The following USH2A variants were observed in gnomAD, a reference collection of about 807,000 sequenced individuals.
USH2A encodes usherin.
USH2A carries 443 observed loss-of-function variants against 538.9 expected under a neutral mutation model. That is an observed-to-expected ratio of 0.82 (90% CI 0.76 to 0.89). The LOEUF is 0.89. Among genes scored for constraint, USH2A ranks in the 40% least tolerant of loss-of-function variants. The probability of loss-of-function intolerance (pLI) is 0.00; values close to 1 mark genes in which losing one functional copy is unlikely to be tolerated. For synonymous variants in USH2A, 2,413 were observed against 2,273.5 expected, an observed-to-expected ratio of 1.06 and a Z score of -1.75; for missense variants, 6,633 against 6,324.8, an observed-to-expected ratio of 1.05 and a Z score of -1.65.
chr1:215,644,998 G>A (rs1656801424), intron 67 of USH2A, among the ~76,000 whole-genome samples: 1 of 152,214 alleles, frequency 6.6e-6, no homozygotes, highest in African/African-American at 2.4e-5. Context: ...CTGCATGGAA[G>A]GCAGGTTTAT....
intron 36 of USH2A, among the ~76,000 whole-genome samples, chr1:215,969,959 C>T (rs1667450533): frequency 1.3e-5 from 2 of 152,108 alleles, no homozygotes; most frequent in Non-Finnish European, 2.9e-5. Context: ...AAACTGAAGA[C>T]TGTCCTGCTA....
intron 21 of USH2A, among the ~76,000 whole-genome samples, chr1:216,101,662 G>A (rs1269549791): frequency 6.6e-6 from 1 of 152,200 alleles, no homozygotes; most frequent in African/African-American, 2.4e-5. Context: ...GGGCAGACAA[G>A]TGAAAATTAT....
At chr1:215,743,029 T>C (rs939780644) in intron 59 of USH2A, 148 bp downstream of exon 59, 1 of 859,770 alleles carries the variant, frequency 1.2e-6, no homozygotes, top group African/African-American at 1.7e-5. Flanking sequence ...TGCCAGACTG[T>C]GATTTTTCTG....
intron 38 of USH2A, among the ~76,000 whole-genome samples, chr1:215,912,453 G>GTATATATA (rs780000613): frequency 0.074 from 3,116 of 42,246 alleles, 94 homozygotes; most frequent in Non-Finnish European, 0.095. Context: ...GTAGGTATGT[G>GTATATATA]TATATATATA....
intron 19 of USH2A, among the ~76,000 whole-genome samples, chr1:216,192,810 A>G (rs1447442389): frequency 4.6e-5 from 7 of 152,190 alleles, no homozygotes; most frequent in African/African-American, 1.4e-4. Context: ...AAAAATATTT[A>G]TTTTCCTGCC....
At chr1:216,283,880 A>G (rs1478641502) in intron 11 of USH2A, among the ~76,000 whole-genome samples, 1 of 152,120 alleles carries the variant, frequency 6.6e-6, no homozygotes, top group African/African-American at 2.4e-5. Context: ...GGGGTTATGA[A>G]TGGTAATGTT....
chr1:216,343,579 T>C (rs1234195579), intron 4 of USH2A, among the ~76,000 whole-genome samples: 2 of 150,818 alleles, frequency 1.3e-5, no homozygotes, highest in Non-Finnish European at 3.0e-5. Flanking sequence ...GATTTATATA[T>C]GTAAAAAAAC....
At chr1:215,889,323 A>G (rs1665149616) in intron 40 of USH2A, among the ~76,000 whole-genome samples, 1 of 152,132 alleles carries the variant, frequency 6.6e-6, no homozygotes. Flanking sequence ...CTTTTTATTC[A>G]AGCCATTGGT....
rs145614768 is a variant in USH2A at position 216,274,491 on chromosome 1, A to G, written c.1971+14789T>C. ...GACTTACCACTTATTTATAGTACAGATACAATAACTTTTTTCCTTAAGCTT... is the reference window on the plus strand; with the variant it reads ...GACTTACCACTTATTTATAGTACAGGTACAATAACTTTTTTCCTTAAGCTT... On this transcript the variant is annotated intron_variant, in intron 11 of 71. Coordinates refer to ENST00000307340, the MANE Select transcript of USH2A (RefSeq NM_206933.4). Among the ~76,000 whole-genome samples the G allele has an allele frequency of 5.0e-3, 756 of 152,194 alleles. 6 individuals are homozygous for G. The highest frequency in any genetic ancestry group is 0.018 in the African/African-American group (737 of 41,556).
chr1:216,240,394 A>C (rs2035914363), intron 13 of USH2A, among the ~76,000 whole-genome samples: 1 of 152,130 alleles, frequency 6.6e-6, no homozygotes, highest in Admixed American at 6.6e-5. Context: ...TGTTTGGTCG[A>C]ACATGAGTCT....
chr1:216,019,355 A>G (rs777376102), intron 32 of USH2A, among the ~76,000 whole-genome samples: 3 of 152,196 alleles, frequency 2.0e-5, no homozygotes, highest in Non-Finnish European at 2.9e-5. Flanking sequence ...AAGTAATACT[A>G]AAAACCATTC....
In USH2A at chr1:215,743,341, AAG is replaced by A. The variant is rs140003076; in HGVS notation, c.11390-8_11390-7del. On this transcript the variant is annotated splice_polypyrimidine_tract_variant and splice_region_variant and intron_variant, in intron 58 of 71. Coordinates refer to ENST00000307340, the MANE Select transcript of USH2A (RefSeq NM_206933.4). ...AATTTCGGGGATGAGGATCCCTTTA[AAG>A]AGAGAGAGAGAGAGAGAACATTAAA... 0.021 allele frequency: 27,230 copies of A among 1,297,660 alleles called. 1 individual carries two copies. Among genetic ancestry groups the A allele is most frequent in the East Asian group, 0.024 (786 of 33,380 alleles). 80.4% of individuals were successfully genotyped at this position (1,297,660 alleles called of 1,614,324 possible).
chr1:216,036,015 T>G (rs1182206335), intron 32 of USH2A, among the ~76,000 whole-genome samples: 1 of 151,978 alleles, frequency 6.6e-6, no homozygotes, highest in African/African-American at 2.4e-5. Context: ...TATGGAAGAG[T>G]CTATGAGTCA....
At chr1:215,703,649 G>A (rs956440242) in intron 61 of USH2A, among the ~76,000 whole-genome samples, 10 of 152,060 alleles carry the variant, frequency 6.6e-5, no homozygotes, top group Admixed American at 2.0e-4. Flanking sequence ...CCATAATGGT[G>A]GACATCCCTC....
chr1:215,858,623 T>C (rs1405736733), intron 44 of USH2A, among the ~76,000 whole-genome samples: 1 of 151,538 alleles, frequency 6.6e-6, no homozygotes, highest in African/African-American at 2.4e-5. Flanking sequence ...CATATTTCTT[T>C]ATAGCAATGT....
In USH2A at chr1:215,989,888, A is replaced by AG. The variant is rs200146598; in HGVS notation, c.6805+3131dup. ...CAGTTGGAAAATGTAGTAAATACCC[A>AG]GGGGTATTTTGATGATAACCGAGGC... On this transcript the variant is annotated intron_variant, in intron 35 of 71. Coordinates refer to ENST00000307340, the MANE Select transcript of USH2A (RefSeq NM_206933.4). Among the ~76,000 whole-genome samples, 684 of 152,208 alleles carry AG rather than the reference A, an allele frequency of 4.5e-3. 4 individuals are homozygous for AG. Among genetic ancestry groups the AG allele is most frequent in the African/African-American group, 0.015 (637 of 41,536 alleles).
rs919420454 is a variant in USH2A at position 216,078,077 on chromosome 1, G to T, written c.5572+12C>A. On this transcript the variant is annotated intron_variant, in intron 27 of 71. Coordinates refer to ENST00000307340, the MANE Select transcript of USH2A (RefSeq NM_206933.4). ...CTGTATGGATTTGTGAATTCCTCCA[G>T]ATGGAACTTACCTTGTTCCAAACAC... The T allele has an allele frequency of 1.1e-5, 17 of 1,613,338 alleles. No homozygotes were observed. Among genetic ancestry groups the T allele is most frequent in the Non-Finnish European group, 1.4e-5 (17 of 1,179,636 alleles).
chr1:216,249,495 T>C (rs1166787298), intron 12 of USH2A, among the ~76,000 whole-genome samples: 3 of 152,190 alleles, frequency 2.0e-5, no homozygotes, highest in Non-Finnish European at 4.4e-5. Context: ...GAACAAAGGA[T>C]GCCATACAAA....
At chr1:215,688,784 C>T (rs994008283) in intron 61 of USH2A, among the ~76,000 whole-genome samples, 6 of 151,914 alleles carry the variant, frequency 3.9e-5, no homozygotes, top group African/African-American at 1.4e-4. Flanking sequence ...AATTACCTTC[C>T]TAGAGGCCCT....
Sources: gnomAD v4.1 joint callset for allele counts (sites outside exome capture counted in the v4.1 genomes callset) on GRCh38, gnomAD v4.1.1 for gene constraint, MANE v1.5 for transcripts, NCBI Gene and HGNC (gene_info 2026-07-23, HGNC 2026-07-21) for gene names.